CMTM8: variants seen among roughly 807,000 people sequenced by gnomAD.
CMTM8 encodes CKLF-like MARVEL transmembrane domain-containing protein 8.
A neutral mutation model predicts 18.6 loss-of-function variants in CMTM8; 12 were observed. That is an observed-to-expected ratio of 0.65 (90% CI 0.41 to 1.05). CMTM8 has a LOEUF of 1.05. Ranked by LOEUF, CMTM8 falls within the 50% of genes least tolerant of loss-of-function variation. The probability of loss-of-function intolerance (pLI) is 0.00; values close to 1 mark genes in which losing one functional copy is unlikely to be tolerated. For synonymous variants in CMTM8, 87 were observed against 90.6 expected, an observed-to-expected ratio of 0.96 and a Z score of 0.23; for missense variants, 217 against 227.2, an observed-to-expected ratio of 0.95 and a Z score of 0.29.
Position 32,269,602 on chromosome 3 carries a change from G to A in CMTM8, c.147+30483G>A, listed in dbSNP as rs564772151. Among the ~76,000 whole-genome samples the A allele has an allele frequency of 1.8e-4, 27 of 152,202 alleles. No homozygotes were observed. The South Asian group carries it at 4.8e-3, about 27-fold the overall frequency. On this transcript the variant is annotated intron_variant, in intron 1 of 3. Coordinates refer to ENST00000307526, the MANE Select transcript of CMTM8 (RefSeq NM_178868.5). ...AACAAGAACTCAGGTGGGAGCTGAC[G>A]CTTTTGTTTCCAATCTCCCAAGGTA...
chr3:32,253,814 A>G (rs977487364), intron 1 of CMTM8, among the ~76,000 whole-genome samples: 1 of 151,772 alleles, frequency 6.6e-6, no homozygotes, highest in Admixed American at 6.6e-5. Context: ...ATGACCTCAG[A>G]CAATCCTCCC....
intron 1 of CMTM8, among the ~76,000 whole-genome samples, chr3:32,344,723 C>T (rs1039520153): frequency 7.9e-5 from 12 of 152,050 alleles, no homozygotes; most frequent in African/African-American, 2.4e-4. Flanking sequence ...AGTGAGACCC[C>T]GGCTCTACAA....
intron 1 of CMTM8, among the ~76,000 whole-genome samples, chr3:32,270,560 G>A (rs1256470474): frequency 6.6e-6 from 1 of 152,198 alleles, no homozygotes; most frequent in Non-Finnish European, 1.5e-5. Context: ...ATGAGTTCAT[G>A]TCCTTTGTAG....
chr3:32,284,949 A>T (rs1428863139), intron 1 of CMTM8, among the ~76,000 whole-genome samples: 3 of 152,156 alleles, frequency 2.0e-5, no homozygotes, highest in African/African-American at 7.2e-5. Flanking sequence ...TAAGGGGGAA[A>T]ACTGAAGTCC....
intron 1 of CMTM8, among the ~76,000 whole-genome samples, chr3:32,315,771 C>A (rs1294583976): frequency 6.6e-6 from 1 of 152,096 alleles, no homozygotes; most frequent in Non-Finnish European, 1.5e-5. Context: ...ACTTATGGAG[C>A]AGATGGCATA....
intron 1 of CMTM8, among the ~76,000 whole-genome samples, chr3:32,290,218 T>C (rs747041683): frequency 3.3e-5 from 5 of 152,236 alleles, no homozygotes; most frequent in Non-Finnish European, 7.3e-5. Flanking sequence ...CATGATTGCT[T>C]AATATAAGTC....
intron 1 of CMTM8, among the ~76,000 whole-genome samples, chr3:32,290,332 A>C (rs2125555789): frequency 6.6e-6 from 1 of 152,346 alleles, no homozygotes; most frequent in African/African-American, 2.4e-5. Flanking sequence ...TAGAAACTTC[A>C]TTGAAAGATA....
intron 1 of CMTM8, among the ~76,000 whole-genome samples, chr3:32,254,044 C>G (rs1702146404): frequency 6.6e-6 from 1 of 152,168 alleles, no homozygotes; most frequent in African/African-American, 2.4e-5. Flanking sequence ...CAGGTGCACA[C>G]CACCATGCCC....
At chr3:32,269,585 C>T (rs535525026) in intron 1 of CMTM8, among the ~76,000 whole-genome samples, 1 of 150,912 alleles carries the variant, frequency 6.6e-6, no homozygotes, top group South Asian at 2.1e-4. Flanking sequence ...GGAACAAGAA[C>T]TCAGGTGGGA....
At chr3:32,337,441 G>A (rs1268395248) in intron 1 of CMTM8, among the ~76,000 whole-genome samples, 1 of 152,190 alleles carries the variant, frequency 6.6e-6, no homozygotes, top group East Asian at 1.9e-4. Context: ...AAGACTCTAA[G>A]CTGTTTGGCT....
chr3:32,342,337 A>G (rs1410617524), intron 1 of CMTM8, among the ~76,000 whole-genome samples: 1 of 152,202 alleles, frequency 6.6e-6, no homozygotes, highest in Non-Finnish European at 1.5e-5. Context: ...CTTATTCCAT[A>G]GTAGATATTA....
intron 1 of CMTM8, among the ~76,000 whole-genome samples, chr3:32,345,756 G>A (rs774484142): frequency 5.9e-5 from 9 of 152,342 alleles, no homozygotes; most frequent in Admixed American, 1.3e-4. Context: ...CTGGAAGACG[G>A]TTCTGGAGAT....
At chr3:32,273,037 T>C (rs772624574) in intron 1 of CMTM8, among the ~76,000 whole-genome samples, 5 of 151,888 alleles carry the variant, frequency 3.3e-5, no homozygotes, top group African/African-American at 1.2e-4. Flanking sequence ...CAATCCAAAA[T>C]CACAATGAGA....
intron 1 of CMTM8, among the ~76,000 whole-genome samples, chr3:32,280,694 C>T (rs1055585606): frequency 1.3e-5 from 2 of 151,880 alleles, no homozygotes; most frequent in African/African-American, 2.4e-5. Context: ...GTGCCAAGAA[C>T]CTGGATGACT....
chr3:32,312,192 T>C (rs1451174715), intron 1 of CMTM8, among the ~76,000 whole-genome samples: 3 of 152,164 alleles, frequency 2.0e-5, no homozygotes, highest in Non-Finnish European at 4.4e-5. Context: ...AGATGATTAC[T>C]TAGTTCAAGG....
chr3:32,355,786 T>C (rs1322632785), intron 1 of CMTM8, among the ~76,000 whole-genome samples: 1 of 152,222 alleles, frequency 6.6e-6, no homozygotes, highest in Admixed American at 6.5e-5. Flanking sequence ...TTACTACACA[T>C]TCTTACAGGT....
In CMTM8 at chr3:32,286,779, G is replaced by A. The variant is rs145180892; in HGVS notation, c.147+47660G>A. Among the ~76,000 whole-genome samples, 507 of 152,228 alleles carry A rather than the reference G, an allele frequency of 3.3e-3. 2 individuals are homozygous for A. Among genetic ancestry groups the A allele is most frequent in the Non-Finnish European group, 5.1e-3 (345 of 68,012 alleles). ...AGCTGATGAGCTGAAAAAAAAGGGC[G>A]CAAAAAAACTCATGTTTTAAGAAAG... On this transcript the variant is annotated intron_variant, in intron 1 of 3. Transcript: ENST00000307526.
chr3:32,332,962 T>G (rs562797777), intron 1 of CMTM8, among the ~76,000 whole-genome samples: 81 of 152,342 alleles, frequency 5.3e-4, no homozygotes, highest in African/African-American at 1.9e-3. Context: ...GTATGTATTC[T>G]TATAAAACAA....
chr3:32,250,573 G>A (rs774102952), intron 1 of CMTM8, among the ~76,000 whole-genome samples: 1 of 151,992 alleles, frequency 6.6e-6, no homozygotes, highest in Non-Finnish European at 1.5e-5. Context: ...ACAATGTTTT[G>A]TAGTTTTCAG....
Sources: gnomAD v4.1 joint callset for allele counts (sites outside exome capture counted in the v4.1 genomes callset) on GRCh38, gnomAD v4.1.1 for gene constraint, MANE v1.5 for transcripts, NCBI Gene and HGNC (gene_info 2026-07-23, HGNC 2026-07-21) for gene names.